The following TCFL5 variants were observed in gnomAD, a reference collection of about 807,000 sequenced individuals.
TCFL5 encodes the protein transcription factor like 5.
In TCFL5, 9 loss-of-function variants were observed where a neutral mutation model predicts 44.3. That is an observed-to-expected ratio of 0.20 (90% CI 0.12 to 0.35). The LOEUF (loss-of-function observed/expected upper bound fraction) is 0.35. Among genes scored for constraint, TCFL5 ranks in the 10% least tolerant of loss-of-function variants. The pLI, the probability that TCFL5 is intolerant of heterozygous loss-of-function variation, is 1.00. For synonymous variants in TCFL5, 319 were observed against 271.6 expected, an observed-to-expected ratio of 1.17 and a Z score of -1.72; for missense variants, 603 against 613.4, an observed-to-expected ratio of 0.98 and a Z score of 0.18.
intron 5 of TCFL5, chr20:62,851,592 C>T (rs535435915): frequency 1.7e-5 from 17 of 985,164 alleles, no homozygotes; most frequent in South Asian, 4.7e-5. Flanking sequence ...ATAAACGATC[C>T]GATCAGAATA....
chr20:62,845,349 C>G, intron 5 of TCFL5: 1 of 1,105,862 alleles, frequency 9.0e-7, no homozygotes, highest in East Asian at 6.7e-5. Context: ...TCTCGAACTC[C>G]TGACCTCAGG....
intron 5 of TCFL5, chr20:62,844,872 A>G: frequency 1.0e-6 from 1 of 985,134 alleles, no homozygotes; most frequent in Non-Finnish European, 1.2e-6. Flanking sequence ...CTGGGATTAC[A>G]GGCGGGAGCC....
At chr20:62,859,342 T>TA (rs776896402) in intron 3 of TCFL5, 22 bp downstream of exon 3, 2 of 1,597,044 alleles carry the variant, frequency 1.3e-6, no homozygotes, top group East Asian at 4.5e-5. Flanking sequence ...AAGCTCCCAC[T>TA]ACCTGCTGCT....
rs943434352 is a variant in TCFL5 at position 62,861,339 on chromosome 20, G to C, written c.332C>G (p.Pro111Arg). Reference protein sequence around the residue: ...GAAPVYPVLCPSALAADAPCL... With the variant: ...GAAPVYPVLCRSALAADAPCL... ...GGGCGCGTCGGCCGCCAGCGCGGAC[G>C]GGCACAGCACGGGGTACACGGGCGC... Residue 111 changes from proline (P) to arginine (R), a missense_variant, in exon 1 of 6, where the codon CCG becomes CGG. By Grantham distance (103) the Pro-to-Arg change is moderately radical. Transcript: ENST00000335351. This position sits in a 1 kb window ranked among gnomAD's most constrained non-coding sequence, Gnocchi z 4.0. 3 of 1,133,516 alleles carry C rather than the reference G, an allele frequency of 2.6e-6. No homozygotes were observed. The highest frequency in any genetic ancestry group is 3.3e-6 in the Non-Finnish European group (3 of 916,258). The allele number at this position is 1,133,516 out of a possible 1,614,324, so 70.2% of individuals were successfully genotyped here. A position where few individuals can be genotyped will look rare whatever the true frequency, so the allele number is the denominator to read the frequency against.
intron 5 of TCFL5, among the ~76,000 whole-genome samples, chr20:62,849,274 G>A (rs2063779825): frequency 6.6e-6 from 1 of 152,190 alleles, no homozygotes; most frequent in Admixed American, 6.5e-5. Flanking sequence ...CAGGGAGAAT[G>A]GAGCAAACCC....
At position 62,854,102 on chromosome 20, in the gene TCFL5, C is replaced by G; in HGVS notation, c.1294G>C (p.Ala432Pro). The G allele has an allele frequency of 6.2e-7, 1 of 1,614,124 alleles. No individual in the cohort carries two copies. The highest frequency in any genetic ancestry group is 8.5e-7 in the Non-Finnish European group (1 of 1,180,050). ...ELNLLVPFCN[A>P]ETDKATTLQW... ...AGAGTTGTGGCCTTGTCAGTCTCGG[C>G]ATTGCAGAACGGCACTAAGAGATTC... Residue 432 changes from alanine (A) to proline (P), a missense_variant, in exon 5 of 6, where the codon GCC becomes CCC. Ala to Pro is a conservative substitution (Grantham distance 27). This residue lies in a region of TCFL5 where 21 missense variants were observed against 54.0 expected (regional missense o/e 0.39). Transcript: ENST00000335351.
At chr20:62,847,545 A>T (rs2063759149) in intron 5 of TCFL5, among the ~76,000 whole-genome samples, 1 of 152,234 alleles carries the variant, frequency 6.6e-6, no homozygotes, top group African/African-American at 2.4e-5. Context: ...GGCCAGAGGT[A>T]AGGAGGCATA....
At chr20:62,859,823 C>T (rs2063961961) in intron 2 of TCFL5, among the ~76,000 whole-genome samples, 1 of 151,712 alleles carries the variant, frequency 6.6e-6, no homozygotes, top group East Asian at 1.9e-4. Context: ...CAGGCTCAAG[C>T]GATTCTCCCG....
chr20:62,845,666 G>T, intron 5 of TCFL5: 2 of 1,606,392 alleles, frequency 1.2e-6, no homozygotes, highest in South Asian at 2.2e-5. Flanking sequence ...CGCTGACCAT[G>T]GCAGTATTTC....
chr20:62,842,247 C>T lies in TCFL5; in HGVS notation c.1381-150G>A, dbSNP rs1278654930. On this transcript the variant is annotated intron_variant, in intron 5 of 5. Transcript: ENST00000335351. The surrounding 1 kb of genome is among the most constrained non-coding windows in gnomAD (Gnocchi z 4.3). ...TCATTCACAAACTTGTGTCTTACCT[C>T]ACAAGGGGATTTATATAATAAACAG... The T allele has an allele frequency of 7.2e-6, 7 of 976,084 alleles. No individual in the cohort carries two copies. Among genetic ancestry groups the T allele is most frequent in the Non-Finnish European group, 1.0e-5 (7 of 673,298 alleles). 60.5% of individuals were successfully genotyped at this position (976,084 alleles called of 1,614,324 possible).
In TCFL5 at chr20:62,860,277, G is replaced by C; in HGVS notation, c.679C>G (p.Leu227Val). The change falls in exon 2 of 6, where the codon CTA becomes GTA. Residue 227 changes from leucine (L) to valine (V), a missense_variant. Physicochemically the swap from Leu to Val is conservative, Grantham distance 32 (BLOSUM62 1). Coordinates refer to ENST00000335351, the MANE Select transcript of TCFL5 (RefSeq NM_006602.4). ...LVTLIRHPSE[L>V]MNVPLQQQNK... ...TGTTGCTGAAGAGGAACATTCATTA[G>C]TTCAGATGGATGTCGAATGAGAGTT... 1.9e-6 allele frequency: 3 copies of C among 1,611,616 alleles called. No homozygotes were observed. Among genetic ancestry groups the C allele is most frequent in the South Asian group, 1.1e-5 (1 of 91,036 alleles).
chr20:62,859,623 T>A, intron 2 of TCFL5, 97 bp from the exon 3 acceptor site: 1 of 1,131,462 alleles, frequency 8.8e-7, no homozygotes, highest in Non-Finnish European at 1.2e-6. Flanking sequence ...TCAAAACTAC[T>A]AACACGTAAT....
intron 4 of TCFL5, among the ~76,000 whole-genome samples, chr20:62,854,534 G>C (rs1189534989): frequency 1.3e-5 from 2 of 152,192 alleles, no homozygotes; most frequent in Non-Finnish European, 2.9e-5. Context: ...CCACTGAGGG[G>C]TCCAAATTGG....
intron 3 of TCFL5, among the ~76,000 whole-genome samples, chr20:62,858,000 A>AC (rs1481313072): frequency 6.6e-6 from 1 of 152,026 alleles, no homozygotes; most frequent in African/African-American, 2.4e-5. Context: ...GGAAAAAAAA[A>AC]AACAACAACA....
chr20:62,850,093 G>C (rs1264902362), intron 5 of TCFL5, among the ~76,000 whole-genome samples: 2 of 152,196 alleles, frequency 1.3e-5, no homozygotes, highest in African/African-American at 4.8e-5. Flanking sequence ...GGGGAGGCAT[G>C]ATCATGGCAC....
In TCFL5 at chr20:62,842,208, G is replaced by C. The variant is rs956924397; in HGVS notation, c.1381-111C>G. On this transcript the variant is annotated intron_variant, in intron 5 of 5. Transcript: ENST00000335351. The surrounding 1 kb of genome is among the most constrained non-coding windows in gnomAD (Gnocchi z 4.3). ...AGCTAAGTAAATGACTTTAGAATAC[G>C]CTGTTTTAAGGTGTCATTCACAAAC... 43 of 1,372,798 alleles carry C rather than the reference G, an allele frequency of 3.1e-5. No homozygotes were observed. Among genetic ancestry groups the C allele is most frequent in the Non-Finnish European group, 4.2e-5 (42 of 1,002,862 alleles). 85.0% of individuals were successfully genotyped at this position (1,372,798 alleles called of 1,614,324 possible). A position where few individuals can be genotyped will look rare whatever the true frequency, so the allele number is the denominator to read the frequency against.
Position 62,860,114 on chromosome 20 carries a change from A to G in TCFL5, c.831+11T>C, listed in dbSNP as rs1390899521. On this transcript the variant is annotated intron_variant, in intron 2 of 5. Coordinates refer to ENST00000335351, the MANE Select transcript of TCFL5 (RefSeq NM_006602.4). The stretch of plus-strand genomic sequence containing the variant: ...ACAAAAGAGCAAAGCTTCACAAATC[A>G]TGTTCCCTACCTGTGTCTGTGAAAG... 3 of 1,595,236 alleles carry G rather than the reference A, an allele frequency of 1.9e-6. No homozygotes were observed. In the African/African-American group the frequency reaches 4.0e-5, roughly 21 times the overall value.
intron 5 of TCFL5, among the ~76,000 whole-genome samples, chr20:62,843,783 T>C (rs2063705671): frequency 6.6e-6 from 1 of 152,168 alleles, no homozygotes; most frequent in Admixed American, 6.5e-5. Context: ...CACGTACCAG[T>C]CCACTTTCTG....
chr20:62,852,994 T>C, intron 5 of TCFL5: 1 of 1,279,982 alleles, frequency 7.8e-7, no homozygotes, highest in Non-Finnish European at 1.0e-6. Context: ...CTGAAGTACA[T>C]TCACCCAGTC....
Sources: gnomAD v4.1 joint callset for allele counts (sites outside exome capture counted in the v4.1 genomes callset) on GRCh38, gnomAD v4.1.1 for gene constraint, gnomAD v4.1.1 regional missense constraint, Gnocchi (gnomAD v3.1) non-coding constraint, MANE v1.5 for transcripts, NCBI Gene and HGNC (gene_info 2026-07-23, HGNC 2026-07-21) for gene names.